The following DNAJC7 variants were observed in gnomAD, a reference collection of about 807,000 sequenced individuals.
The protein encoded by DNAJC7 is DnaJ heat shock protein family (Hsp40) member C7.
A neutral mutation model predicts 67.4 loss-of-function variants in DNAJC7; 18 were observed. The observed-to-expected ratio is 0.27, with a 90% confidence interval of 0.18 to 0.40. The LOEUF is 0.40. Ranked by LOEUF, DNAJC7 falls within the 10% of genes least tolerant of loss-of-function variation. The probability of loss-of-function intolerance (pLI) is 1.00; values close to 1 mark genes in which losing one functional copy is unlikely to be tolerated. For synonymous variants in DNAJC7, 220 were observed against 207.8 expected, an observed-to-expected ratio of 1.06 and a Z score of -0.50; for missense variants, 419 against 613.8, an observed-to-expected ratio of 0.68 and a Z score of 3.35.
rs376333232 is a variant in DNAJC7 at position 41,982,757 on chromosome 17, G to A, written c.1085-356C>T. On this transcript the variant is annotated intron_variant, in intron 10 of 13. Coordinates refer to ENST00000457167, the MANE Select transcript of DNAJC7 (RefSeq NM_003315.4). ...ATGGATCACCCGAGGTCAGGAGTTCGGGACTAGCCTGTCCAACATGGTGAA... is the reference window on the plus strand; with the variant it reads ...ATGGATCACCCGAGGTCAGGAGTTCAGGACTAGCCTGTCCAACATGGTGAA... 1.3e-4 allele frequency among the ~76,000 whole-genome samples: 20 copies of A among 152,094 alleles called. No homozygotes were observed. In the East Asian group the frequency reaches 1.9e-3, roughly 15 times the overall value.
rs1555652119 is a variant in DNAJC7, at chr17:42,017,332, C to G, written c.77+8G>C. On this transcript the variant is annotated splice_region_variant and intron_variant, in intron 1 of 13. Coordinates refer to ENST00000457167, the MANE Select transcript of DNAJC7 (RefSeq NM_003315.4). The stretch of plus-strand genomic sequence containing the variant: ...GTCGCCTCCTCTACTACCCTGCTAC[C>G]CGGTTACCTCTTCGCCTCTTGGTCG... 3.7e-6 allele frequency: 6 copies of G among 1,611,670 alleles called. No homozygotes were observed. Among genetic ancestry groups the G allele is most frequent in the Non-Finnish European group, 5.1e-6 (6 of 1,179,890 alleles).
At chr17:41,980,641 G>GCC (rs1199124935) in intron 12 of DNAJC7, among the ~76,000 whole-genome samples, 2 of 151,990 alleles carry the variant, frequency 1.3e-5, no homozygotes, top group Non-Finnish European at 2.9e-5. Flanking sequence ...CAGGTGATCT[G>GCC]CCCGCCTTGG....
chr17:41,993,356 G>A (rs1209522738), intron 5 of DNAJC7, among the ~76,000 whole-genome samples: 3 of 152,162 alleles, frequency 2.0e-5, no homozygotes, highest in Admixed American at 2.0e-4. Context: ...CTACTCAGGA[G>A]GCTGAGGCAG....
intron 1 of DNAJC7, among the ~76,000 whole-genome samples, chr17:42,008,661 C>T (rs948876720): frequency 2.6e-5 from 4 of 152,094 alleles, no homozygotes; most frequent in Admixed American, 2.0e-4. Context: ...CCGCCCGCCT[C>T]GGCCTCCCAA....
At chr17:42,015,429 A>G (rs1454153509) in intron 1 of DNAJC7, 3 of 152,200 alleles carry the variant, frequency 2.0e-5, no homozygotes, top group Non-Finnish European at 1.5e-5. Context: ...TTTATGATAG[A>G]CTATCCTCTA....
intron 1 of DNAJC7, 124 bp downstream of exon 1, chr17:42,017,216 G>C (rs950668043): frequency 1.9e-6 from 3 of 1,591,286 alleles, no homozygotes; most frequent in Non-Finnish European, 2.6e-6. Context: ...GATCTCAGAT[G>C]GGGGGGTGTT....
At chr17:41,998,670 G>A (rs2051723570) in intron 2 of DNAJC7, among the ~76,000 whole-genome samples, 1 of 152,206 alleles carries the variant, frequency 6.6e-6, no homozygotes. Context: ...TTGAGCTGGG[G>A]TAAGCAAATT....
intron 2 of DNAJC7, among the ~76,000 whole-genome samples, chr17:41,999,439 C>G (rs2051748351): frequency 6.6e-6 from 1 of 151,834 alleles, no homozygotes; most frequent in Admixed American, 6.6e-5. Context: ...GATCATTAAG[C>G]CTGAAGGAGT....
chr17:41,989,597 G>T, intron 6 of DNAJC7, 40 bp from the exon 7 acceptor site: 1 of 1,605,640 alleles, frequency 6.2e-7, no homozygotes, highest in Non-Finnish European at 8.5e-7. Flanking sequence ...CTGTGCTTTA[G>T]AATGTCCCCA....
chr17:42,007,787 T>C (rs1400766365), intron 1 of DNAJC7, among the ~76,000 whole-genome samples: 1 of 148,626 alleles, frequency 6.7e-6, no homozygotes, highest in Admixed American at 6.8e-5. Flanking sequence ...CCTCCCAAAG[T>C]GCTAAGATTA....
rs2051681685 is a variant in DNAJC7 at position 41,997,103 on chromosome 17, T to C, written c.291+12A>G. ...ACCCAGCCTTCCCCAAACAGCCCCA[T>C]TACATACATACCCGGACAAAACTGT... On this transcript the variant is annotated intron_variant, in intron 3 of 13. Coordinates refer to ENST00000457167, the MANE Select transcript of DNAJC7 (RefSeq NM_003315.4). 6.2e-6 allele frequency: 10 copies of C among 1,613,836 alleles called. No homozygotes were observed. Among genetic ancestry groups the C allele is most frequent in the Non-Finnish European group, 8.5e-6 (10 of 1,179,764 alleles).
intron 12 of DNAJC7, 81 bp downstream of exon 12, chr17:41,981,772 ACT>A (rs2051258071): frequency 6.4e-7 from 1 of 1,551,442 alleles, no homozygotes. Context: ...GCCCAAATAG[ACT>A]CTCCCTCTGG....
intron 1 of DNAJC7, among the ~76,000 whole-genome samples, chr17:42,004,303 C>G (rs2143295495): frequency 6.6e-6 from 1 of 152,204 alleles, no homozygotes; most frequent in African/African-American, 2.4e-5. Context: ...AATAATTTCA[C>G]CTATCCTCCA....
chr17:41,999,309 A>G (rs2051744421), intron 2 of DNAJC7, among the ~76,000 whole-genome samples: 1 of 151,876 alleles, frequency 6.6e-6, no homozygotes, highest in Admixed American at 6.6e-5. Context: ...TGAAATGTGC[A>G]TGTTGAGTTG....
intron 2 of DNAJC7, among the ~76,000 whole-genome samples, 191 bp downstream of exon 2, chr17:42,000,291 G>T (rs1230589722): frequency 6.7e-6 from 1 of 150,296 alleles, no homozygotes; most frequent in African/African-American, 2.5e-5. Context: ...GCTAATTTTT[G>T]TATTTTCAGT....
Position 41,977,455 on chromosome 17 carries a change from A to G in DNAJC7, c.1385-132T>C, listed in dbSNP as rs1483665531. On this transcript the variant is annotated intron_variant, in intron 12 of 13. Coordinates refer to ENST00000457167, the MANE Select transcript of DNAJC7 (RefSeq NM_003315.4). ...AGTCTCACTCCCCTCCTTTCCCAAC[A>G]CTTCAGACTGCAAGTGAGCAAACCT... is the stretch of plus-strand genomic sequence containing the variant. 9 of 783,130 alleles carry G rather than the reference A, an allele frequency of 1.1e-5. No homozygotes were observed. In the Admixed American group the frequency reaches 2.2e-4, roughly 20 times the overall value. 48.5% of individuals were successfully genotyped at this position (783,130 alleles called of 1,614,324 possible).
At chr17:41,977,612 A>AG (rs2051126239) in intron 12 of DNAJC7, 1 of 293,984 alleles carries the variant, frequency 3.4e-6, no homozygotes, top group African/African-American at 2.2e-5. Flanking sequence ...CAACAAATGG[A>AG]ATGCCATTTG....
intron 5 of DNAJC7, among the ~76,000 whole-genome samples, chr17:41,990,874 G>A (rs1325123183): frequency 9.2e-5 from 14 of 151,982 alleles, no homozygotes; most frequent in African/African-American, 3.4e-4. Flanking sequence ...GTTTCACCAT[G>A]TTAGCCATGA....
At chr17:42,006,796 C>CAAACAAAAAAA (rs2051972855) in intron 1 of DNAJC7, among the ~76,000 whole-genome samples, 1 of 23,322 alleles carries the variant, frequency 4.3e-5, no homozygotes, top group Non-Finnish European at 6.7e-5. Flanking sequence ...GACTCCGTCT[C>CAAACAAAAAAA]AAAAAAAAAA....
Sources: gnomAD v4.1 joint callset for allele counts (sites outside exome capture counted in the v4.1 genomes callset) on GRCh38, gnomAD v4.1.1 for gene constraint, MANE v1.5 for transcripts, NCBI Gene and HGNC (gene_info 2026-07-23, HGNC 2026-07-21) for gene names.